The following KIAA2012 variants were observed in gnomAD, a reference collection of about 807,000 sequenced individuals.
KIAA2012 encodes KIAA2012, also known as uncharacterized protein KIAA2012.
KIAA2012 carries 125 observed loss-of-function variants against 150.6 expected under a neutral mutation model. The observed-to-expected ratio is 0.83, with a 90% CI of 0.72 to 0.96. KIAA2012 has a LOEUF of 0.96. KIAA2012 is among the 40% of genes least tolerant of loss of function. KIAA2012 has a pLI of 0.00. For synonymous variants in KIAA2012, 462 were observed against 504.7 expected (o/e 0.92, Z 1.13); for missense variants, 1,219 against 1,354.9 (o/e 0.90, Z 1.57).
chr2:202,152,326 G>T (rs1407679683), intron 13 of KIAA2012, among the ~76,000 whole-genome samples: 1 of 152,132 alleles, frequency 6.6e-6, no homozygotes, highest in Non-Finnish European at 1.5e-5. Flanking sequence ...ATGGTCAGGA[G>T]AATTGTTTTA....
At position 202,100,466 on chromosome 2, in the gene KIAA2012, T is replaced by A. The variant is rs1024244584; in HGVS notation, c.1155+17T>A. 5 of 1,542,528 alleles carry A rather than the reference T, an allele frequency of 3.2e-6. No individual in the cohort carries two copies. In the African/African-American group the frequency reaches 6.9e-5, roughly 21 times the overall value. ...AAGAAAAAGGTTGTGTGTATATGTA[T>A]GTTTGTGCATACAGGAGAGAGAGAG... On this transcript the variant is annotated intron_variant, in intron 7 of 23. Transcript: ENST00000498697.
At chr2:202,200,592 T>C (rs1415036569) in intron 22 of KIAA2012, among the ~76,000 whole-genome samples, 7 of 150,506 alleles carry the variant, frequency 4.7e-5, no homozygotes, top group Non-Finnish European at 1.0e-4. Context: ...GGAGATGGGA[T>C]GGGTGGGGCA....
intron 12 of KIAA2012, among the ~76,000 whole-genome samples, chr2:202,133,131 T>TA (rs1491511228): frequency 0.017 from 1,407 of 83,572 alleles, 100 homozygotes; most frequent in African/African-American, 0.048. Context: ...TATATATATA[T>TA]TTTTTTTTTT....
At chr2:202,175,983 G>A (rs367996683) in intron 15 of KIAA2012, among the ~76,000 whole-genome samples, 2 of 152,138 alleles carry the variant, frequency 1.3e-5, no homozygotes, top group African/African-American at 4.8e-5. Context: ...AGTGGAGAAA[G>A]GATGATCTAT....
chr2:202,090,872 C>A lies in KIAA2012; in HGVS notation c.472C>A (p.Leu158Ile). 1 of 1,550,568 alleles carries A rather than the reference C, an allele frequency of 6.4e-7. No homozygotes were observed. The highest frequency in any genetic ancestry group is 1.2e-5 in the South Asian group (1 of 84,060). The change falls in exon 3 of 24, where the codon CTC becomes ATC. Residue 158 changes from leucine (L) to isoleucine (I), a missense_variant. Transcript: ENST00000498697. ...IQPGHSAKRY[L>I]RGLLRTWPPD... ...GCCAGGGCATTCAGCCAAGAGATAC[C>A]TCCGAGGCCTCCTGCGGACTTGGCC... is the stretch of plus-strand genomic sequence containing the variant.
chr2:202,105,238 AGGAAG>A (rs1311663655), intron 8 of KIAA2012, among the ~76,000 whole-genome samples: 6 of 149,648 alleles, frequency 4.0e-5, no homozygotes, highest in African/African-American at 1.5e-4. Flanking sequence ...AAAGGAAGAA[AGGAAG>A]GGAGGGAGGG....
chr2:202,198,577 C>A (rs1380406934), intron 22 of KIAA2012, among the ~76,000 whole-genome samples: 1 of 152,186 alleles, frequency 6.6e-6, no homozygotes, highest in Non-Finnish European at 1.5e-5. Context: ...ATCATTGCAT[C>A]TTTCTGATAA....
At chr2:202,185,870 T>C (rs909158997) in intron 16 of KIAA2012, among the ~76,000 whole-genome samples, 4 of 152,222 alleles carry the variant, frequency 2.6e-5, no homozygotes, top group Non-Finnish European at 4.4e-5. Context: ...TAGAGTGACA[T>C]TGAATGATTT....
intron 14 of KIAA2012, among the ~76,000 whole-genome samples, chr2:202,156,449 A>C (rs1691526784): frequency 6.6e-6 from 1 of 152,116 alleles, no homozygotes; most frequent in Non-Finnish European, 1.5e-5. Flanking sequence ...GCTATCTACT[A>C]TGTGTTTGGC....
chr2:202,124,903 T>C (rs1025255707), intron 11 of KIAA2012, among the ~76,000 whole-genome samples: 6 of 152,262 alleles, frequency 3.9e-5, no homozygotes, highest in African/African-American at 1.4e-4. Flanking sequence ...ACCCCATCTC[T>C]ACTAAAAATC....
rs986441727 is a variant in KIAA2012, at chr2:202,154,736, A to G, written c.1972A>G (p.Lys658Glu). The change falls in exon 14 of 24, where the codon AAA becomes GAA. Residue 658 changes from lysine (K) to glutamate (E), a missense_variant. Physicochemically the swap from Lys to Glu is moderately conservative, Grantham distance 56. Coordinates refer to ENST00000498697, the MANE Select transcript of KIAA2012 (RefSeq NM_001277372.4). Reference protein sequence around the residue: ...KTGEPQSCINKALICSNRKEF... With the variant: ...KTGEPQSCINEALICSNRKEF... ...AGGAGAGCCTCAAAGTTGTATAAAT[A>G]AAGCGCTGATATGTTCAAACAGAAA... The G allele has an allele frequency of 1.3e-6, 2 of 1,550,314 alleles. No individual in the cohort carries two copies. The highest frequency in any genetic ancestry group is 1.4e-5 in the African/African-American group (1 of 73,036).
intron 15 of KIAA2012, among the ~76,000 whole-genome samples, 197 bp from the exon 16 acceptor site, chr2:202,184,556 T>A (rs1027428268): frequency 6.6e-6 from 1 of 152,220 alleles, no homozygotes; most frequent in African/African-American, 2.4e-5. Context: ...AAGGATATTT[T>A]AATACTAATT....
intron 22 of KIAA2012, among the ~76,000 whole-genome samples, chr2:202,202,075 C>A (rs1396837748): frequency 6.6e-6 from 1 of 152,224 alleles, no homozygotes; most frequent in Non-Finnish European, 1.5e-5. Flanking sequence ...TCAGGCTGAT[C>A]TCAAACACCT....
intron 5 of KIAA2012, among the ~76,000 whole-genome samples, chr2:202,098,339 A>G (rs1207995358): frequency 2.0e-5 from 3 of 152,208 alleles, no homozygotes; most frequent in Non-Finnish European, 4.4e-5. Context: ...CAGCCTGGGC[A>G]ACAGAGTGAA....
chr2:202,168,834 T>TG (rs1691826997), intron 15 of KIAA2012, among the ~76,000 whole-genome samples: 1 of 151,718 alleles, frequency 6.6e-6, no homozygotes, highest in African/African-American at 2.4e-5. Context: ...TGGAACAATG[T>TG]GGGGGTGGGG....
chr2:202,164,880 C>T (rs983292605), intron 14 of KIAA2012, among the ~76,000 whole-genome samples: 6 of 152,126 alleles, frequency 3.9e-5, no homozygotes, highest in Non-Finnish European at 8.8e-5. Context: ...AAAATAAGTA[C>T]AACCAGAAAG....
chr2:202,112,202 G>T (rs1367678025), intron 10 of KIAA2012, among the ~76,000 whole-genome samples: 1 of 152,082 alleles, frequency 6.6e-6, no homozygotes, highest in African/African-American at 2.4e-5. Flanking sequence ...TAGAGGGTTG[G>T]AGCTTCCAGC....
chr2:202,132,859 G>A (rs1448841532), intron 12 of KIAA2012, among the ~76,000 whole-genome samples: 2 of 138,754 alleles, frequency 1.4e-5, no homozygotes, highest in African/African-American at 5.4e-5. Context: ...CACTTTGGGA[G>A]GCAGAGGTGG....
intron 13 of KIAA2012, among the ~76,000 whole-genome samples, chr2:202,140,227 CA>C (rs982434510): frequency 1.3e-5 from 2 of 150,738 alleles, no homozygotes; most frequent in East Asian, 3.9e-4. Context: ...GACTCCGTCT[CA>C]AAAAAAAAGA....
Sources: gnomAD v4.1 joint callset for allele counts (sites outside exome capture counted in the v4.1 genomes callset) on GRCh38, gnomAD v4.1.1 for gene constraint, MANE v1.5 for transcripts, NCBI Gene and HGNC (gene_info 2026-07-23, HGNC 2026-07-21) for gene names.